Variants in RAB27B observed in about 807,000 individuals in gnomAD.
RAB27B encodes the protein RAB27B, member RAS oncogene family.
RAB27B carries 15 observed loss-of-function variants against 24.6 expected under a neutral mutation model. That is an observed-to-expected ratio of 0.61 (90% confidence interval 0.41 to 0.94). The LOEUF (loss-of-function observed/expected upper bound fraction) is 0.94. Ranked by LOEUF, RAB27B falls within the 40% of genes least tolerant of loss-of-function variation. RAB27B has a pLI of 0.00. For synonymous variants in RAB27B, 105 were observed against 92.5 expected, an observed-to-expected ratio of 1.14 and a Z score of -0.78; for missense variants, 261 against 266.8, an observed-to-expected ratio of 0.98 and a Z score of 0.15.
intron 2 of RAB27B, among the ~76,000 whole-genome samples, chr18:54,768,626 A>G (rs1392595999): frequency 1.3e-5 from 2 of 152,158 alleles, no homozygotes; most frequent in African/African-American, 4.8e-5. Context: ...CCATGAATAA[A>G]TAGCTGAGAC....
At position 54,886,798 on chromosome 18, in the gene RAB27B, A is replaced by C. The variant is rs79719009; in HGVS notation, c.344-1197A>C. 2.6e-4 allele frequency among the ~76,000 whole-genome samples: 39 copies of C among 152,188 alleles called. 1 individual carries two copies. In the East Asian group the frequency reaches 7.5e-3, roughly 29 times the overall value. On this transcript the variant is annotated intron_variant, in intron 4 of 5. Transcript: ENST00000262094. ...TAATTGTCATGCCTAATAACACTTTAATTTTTAACACCCAAGTAATTGGTG... is the reference window on the plus strand; with the variant it reads ...TAATTGTCATGCCTAATAACACTTTCATTTTTAACACCCAAGTAATTGGTG...
At chr18:54,728,731 C>T (rs1909624161) in intron 2 of RAB27B, among the ~76,000 whole-genome samples, 1 of 151,674 alleles carries the variant, frequency 6.6e-6, no homozygotes, top group South Asian at 2.1e-4. Flanking sequence ...AAGAAGTTAG[C>T]CAGGCCTGGT....
At chr18:54,804,904 C>CTCTTTCTTTCTTTCTTTCTTTCTT (rs777177556) in intron 2 of RAB27B, among the ~76,000 whole-genome samples, 79 of 47,998 alleles carry the variant, frequency 1.6e-3, no homozygotes, top group African/African-American at 3.5e-3. Flanking sequence ...CTTTCTCTCT[C>CTCTTTCTTTCTTTCTTTCTTTCTT]TCTTTCTTTC....
At chr18:54,845,601 C>A (rs892931862) in intron 1 of RAB27B, among the ~76,000 whole-genome samples, 26 of 151,984 alleles carry the variant, frequency 1.7e-4, no homozygotes, top group Non-Finnish European at 1.5e-5. Context: ...CCCTGAGTCG[C>A]TGGTTGGACC....
intron 1 of RAB27B, among the ~76,000 whole-genome samples, chr18:54,858,644 T>C (rs1343049872): frequency 6.6e-6 from 1 of 152,162 alleles, no homozygotes. Context: ...CCTCCTAAAG[T>C]GGTGGGATTA....
intron 2 of RAB27B, among the ~76,000 whole-genome samples, chr18:54,808,687 T>A (rs1909870932): frequency 6.6e-6 from 1 of 152,208 alleles, no homozygotes; most frequent in Non-Finnish European, 1.5e-5. Flanking sequence ...TAGTAAAAAA[T>A]GTAAAATAAT....
chr18:54,824,694 G>A (rs77107971), upstream of RAB27B, among the ~76,000 whole-genome samples: 6,356 of 152,308 alleles, frequency 0.042, 161 homozygotes, highest in Middle Eastern at 0.12. Context: ...CCACCTGCAA[G>A]GGGCTAAGAA....
chr18:54,743,158 T>A (rs999400427), intron 2 of RAB27B, among the ~76,000 whole-genome samples: 2 of 152,234 alleles, frequency 1.3e-5, no homozygotes. Flanking sequence ...CTCTGCAGCA[T>A]CTCATTCAGC....
rs1397914444 is a variant in RAB27B, at chr18:54,892,978, T to C, written c.*3565T>C. 1 of 152,008 alleles carries C rather than the reference T, an allele frequency of 6.6e-6. No individual in the cohort carries two copies. The highest frequency in any genetic ancestry group is 1.5e-5 in the Non-Finnish European group (1 of 67,932). The allele number at this position is 152,008 out of a possible 1,614,324, so 9.4% of individuals were successfully genotyped here. The stretch of plus-strand genomic sequence containing the variant: ...TAAAAATAATTTAATAGCCACAATA[T>C]GATGTTCTTTAAGCTGCAAATTGAG... On this transcript the variant is annotated 3_prime_UTR_variant, in exon 6 of 6. Coordinates refer to ENST00000262094, the MANE Select transcript of RAB27B (RefSeq NM_004163.4).
chr18:54,760,972 G>A lies in RAB27B; in HGVS notation c.-20+42831G>A, dbSNP rs907643599. On this transcript the variant is annotated intron_variant, in intron 2 of 4. Transcript: ENST00000586570. ...ATCAATGGGAAAGGTCTATGGAGGG[G>A]CAACTGTTAAAGGAGAGGTATTCTT... Among the ~76,000 whole-genome samples, 7 of 150,442 alleles carry A rather than the reference G, an allele frequency of 4.7e-5. No individual in the cohort carries two copies. In the Admixed American group the frequency reaches 4.7e-4, roughly 10 times the overall value.
chr18:54,858,780 A>G (rs1431684422), intron 1 of RAB27B, among the ~76,000 whole-genome samples: 1 of 152,044 alleles, frequency 6.6e-6, no homozygotes, highest in Non-Finnish European at 1.5e-5. Context: ...TTGGATTTGG[A>G]TTTTCCTTTT....
intron 2 of RAB27B, among the ~76,000 whole-genome samples, chr18:54,806,711 G>T (rs1000446220): frequency 1.1e-4 from 17 of 151,638 alleles, no homozygotes; most frequent in Admixed American, 7.2e-4. Context: ...AGATGGTTAA[G>T]TGGATGGAAA....
chr18:54,746,024 A>G (rs1482426085), intron 2 of RAB27B, among the ~76,000 whole-genome samples: 2 of 152,028 alleles, frequency 1.3e-5, no homozygotes, highest in African/African-American at 4.8e-5. Context: ...AAAACTGAGA[A>G]GGGAGGCGGT....
At chr18:54,815,904 G>T (rs1000682349) in intron 2 of RAB27B, among the ~76,000 whole-genome samples, 2 of 152,034 alleles carry the variant, frequency 1.3e-5, no homozygotes, top group Non-Finnish European at 2.9e-5. Context: ...GATTACAGGC[G>T]TGATCCACCA....
At chr18:54,838,994 A>G (rs1170002854) in intron 1 of RAB27B, among the ~76,000 whole-genome samples, 1 of 152,120 alleles carries the variant, frequency 6.6e-6, no homozygotes. Flanking sequence ...GAGTATATGG[A>G]CTTATATGAG....
chr18:54,734,298 T>A (rs191070343), intron 2 of RAB27B, among the ~76,000 whole-genome samples: 1 of 152,222 alleles, frequency 6.6e-6, no homozygotes, highest in East Asian at 1.9e-4. Context: ...GTCTAAGCCA[T>A]GAGAATTTGG....
intron 2 of RAB27B, among the ~76,000 whole-genome samples, chr18:54,727,337 TAG>T (rs1909570671): frequency 6.6e-6 from 1 of 151,512 alleles, no homozygotes. Flanking sequence ...CACAGAACAG[TAG>T]AGAGTCAGGT....
At chr18:54,831,617 G>A (rs573156007) in intron 1 of RAB27B, among the ~76,000 whole-genome samples, 196 of 152,270 alleles carry the variant, frequency 1.3e-3, no homozygotes, top group African/African-American at 4.5e-3. Flanking sequence ...TTATATCTGG[G>A]GTTTGGAAAG....
chr18:54,816,088 A>T (rs1184382356), intron 2 of RAB27B, among the ~76,000 whole-genome samples: 1 of 152,248 alleles, frequency 6.6e-6, no homozygotes, highest in Non-Finnish European at 1.5e-5. Flanking sequence ...ACCAGTACAA[A>T]CATTCACTGT....
Sources: allele counts gnomAD v4.1 joint callset (sites outside exome capture counted in the v4.1 genomes callset), GRCh38; gene constraint gnomAD v4.1.1; transcripts MANE v1.5; gene names NCBI Gene and HGNC (gene_info 2026-07-23, HGNC 2026-07-21).